ASH1L: variants seen among roughly 807,000 people sequenced by gnomAD.
ASH1L encodes ASH1 like histone lysine methyltransferase, also known as histone-lysine N-methyltransferase ASH1L.
A neutral mutation model predicts 269.0 loss-of-function variants in ASH1L; 23 were observed. The observed-to-expected ratio is 0.09, with a 90% CI of 0.06 to 0.12. ASH1L has a LOEUF of 0.12. ASH1L is among the 10% of genes least tolerant of loss of function. ASH1L has a pLI of 1.00. For synonymous variants in ASH1L, 1,187 were observed against 1,253.5 expected (o/e 0.95, Z 1.12); for missense variants, 2,912 against 3,567.8 (o/e 0.82, Z 4.68).
chr1:155,498,906 G>A lies in ASH1L; in HGVS notation c.421-16457C>T, dbSNP rs183275201. On this transcript the variant is annotated intron_variant, in intron 2 of 27. Coordinates refer to ENST00000392403, the MANE Select transcript of ASH1L (RefSeq NM_018489.3). ...TAATCAAAAGAGAACCAAAACATCT[G>A]AGAACAGGAGTAAAAAAAAAAAAAA... Among the ~76,000 whole-genome samples, 14 of 137,808 alleles carry A rather than the reference G, an allele frequency of 1.0e-4. No homozygotes were observed. The East Asian group carries it at 2.5e-3, about 24-fold the overall frequency. 90.4% of individuals were successfully genotyped at this position (137,808 alleles called of 152,430 possible).
chr1:155,549,650 G>C (rs1034114116), intron 1 of ASH1L, among the ~76,000 whole-genome samples: 2 of 150,218 alleles, frequency 1.3e-5, no homozygotes, highest in African/African-American at 4.9e-5. Flanking sequence ...AAAAATTTAA[G>C]TATACAAGAT....
rs753001647 is a variant in ASH1L, at chr1:155,481,548, C to G, written c.1322G>C (p.Ser441Thr). 4 of 1,614,124 alleles carry G rather than the reference C, an allele frequency of 2.5e-6. No homozygotes were observed. Residue 441 changes from serine (S) to threonine (T), a missense_variant, in exon 3 of 28, where the codon AGT (serine) becomes ACT (threonine). Ser to Thr is a moderately conservative substitution (Grantham distance 58). This residue lies in a region of ASH1L where 715 missense variants were observed against 721.0 expected (regional missense o/e 0.99). Transcript: ENST00000392403. ...PTQEPLKASCSTNINNQESQE... is the reference protein window; with the variant it reads ...PTQEPLKASCTTNINNQESQE... The stretch of plus-strand genomic sequence containing the variant: ...ACTTTCCTGATTATTGATGTTTGTA[C>G]TACAAGAAGCCTTAAGCGGTTCCTG...
intron 21 of ASH1L, among the ~76,000 whole-genome samples, chr1:155,345,572 T>C (rs1258386461): frequency 1.2e-5 from 1 of 83,430 alleles, no homozygotes; most frequent in Non-Finnish European, 2.6e-5. Flanking sequence ...CATGCCCAGC[T>C]TTTTTTTTTT....
In ASH1L at chr1:155,521,232, A is replaced by G. The variant is rs758789733; in HGVS notation, c.288T>C (p.Thr96=). The change falls in exon 2 of 28, where the codon ACT becomes ACC. Residue 96 remains threonine, a synonymous_variant. Transcript: ENST00000392403. ...KLKIGLQAKR[T]KKPPKNLENY... ...TCTCCAAGTTCTTTGGAGGTTTTTT[A>G]GTTCTCTTAGCCTGGAGGCCAATTT... 1 of 1,613,998 alleles carries G rather than the reference A, an allele frequency of 6.2e-7. No individual in the cohort carries two copies. The highest frequency in any genetic ancestry group is 8.5e-7 in the Non-Finnish European group (1 of 1,179,994).
At chr1:155,368,604 C>T (rs1438267152) in intron 12 of ASH1L, among the ~76,000 whole-genome samples, 1 of 152,032 alleles carries the variant, frequency 6.6e-6, no homozygotes, top group Non-Finnish European at 1.5e-5. Context: ...TTACAAGCGC[C>T]TACCACCACG....
chr1:155,468,406 C>T (rs1429455461), intron 3 of ASH1L, among the ~76,000 whole-genome samples: 1 of 151,948 alleles, frequency 6.6e-6, no homozygotes, highest in Non-Finnish European at 1.5e-5. Flanking sequence ...GTCAGCAGTC[C>T]AGTCCATATT....
At chr1:155,529,498 A>T (rs1482393296) in intron 1 of ASH1L, among the ~76,000 whole-genome samples, 1 of 152,092 alleles carries the variant, frequency 6.6e-6, no homozygotes, top group African/African-American at 2.4e-5. Flanking sequence ...TCTTTTGAGA[A>T]GTGTCTGTTC....
In ASH1L at chr1:155,343,149, G is replaced by A. The variant is rs1264915098; in HGVS notation, c.8293+165C>T. The stretch of plus-strand genomic sequence containing the variant: ...GTAGTTGGGACTACAGGCCTACACT[G>A]CCATGCCCAGCTACAGAGGCAGAGT... On this transcript the variant is annotated intron_variant, in intron 24 of 27. Coordinates refer to ENST00000392403, the MANE Select transcript of ASH1L (RefSeq NM_018489.3). The surrounding 1 kb of genome is among the most constrained non-coding windows in gnomAD (Gnocchi z 6.1). 26 of 668,250 alleles carry A rather than the reference G, an allele frequency of 3.9e-5. No individual in the cohort carries two copies. The East Asian group carries it at 6.5e-4, about 17-fold the overall frequency. 41.4% of individuals were successfully genotyped at this position (668,250 alleles called of 1,614,324 possible). A position where few individuals can be genotyped will look rare whatever the true frequency, so the allele number is the denominator to read the frequency against.
intron 5 of ASH1L, among the ~76,000 whole-genome samples, chr1:155,420,163 C>G (rs867342115): frequency 6.6e-6 from 1 of 151,180 alleles, no homozygotes; most frequent in South Asian, 2.1e-4. Context: ...ACTTAAAATA[C>G]AAAATACAAA....
In ASH1L at chr1:155,477,883, T is replaced by C; in HGVS notation, c.4984+3A>G. 6.3e-7 allele frequency: 1 copy of C among 1,590,050 alleles called. No individual in the cohort carries two copies. The highest frequency in any genetic ancestry group is 8.6e-7 in the Non-Finnish European group (1 of 1,164,900). On this transcript the variant is annotated splice_donor_region_variant and intron_variant, in intron 3 of 27. Coordinates refer to ENST00000392403, the MANE Select transcript of ASH1L (RefSeq NM_018489.3). ...ATAACAGGTAACAAAATAACCCTCT[T>C]ACCTGCCAAAGTCTGTACTGCCCTT...
intron 17 of ASH1L, among the ~76,000 whole-genome samples, chr1:155,352,170 T>C (rs1386845626): frequency 3.3e-5 from 5 of 151,850 alleles, no homozygotes; most frequent in Admixed American, 2.6e-4. Flanking sequence ...ATGAGCCTAC[T>C]TGAGAATGCA....
intron 1 of ASH1L, among the ~76,000 whole-genome samples, chr1:155,535,248 A>G (rs1489663119): frequency 2.1e-5 from 3 of 145,090 alleles, no homozygotes; most frequent in Non-Finnish European, 4.5e-5. Flanking sequence ...TTTTTTTTTT[A>G]AGACTGGGTT....
chr1:155,408,907 C>CA (rs1343251443), intron 6 of ASH1L, among the ~76,000 whole-genome samples: 4 of 148,622 alleles, frequency 2.7e-5, no homozygotes, highest in Admixed American at 6.7e-5. Flanking sequence ...ATAAGGTATT[C>CA]AAAAAAACAA....
intron 7 of ASH1L, among the ~76,000 whole-genome samples, chr1:155,383,455 G>A (rs1386455870): frequency 6.6e-6 from 1 of 152,046 alleles, no homozygotes; most frequent in Non-Finnish European, 1.5e-5. Context: ...TCTACATTTA[G>A]ATATGTAAAT....
intron 4 of ASH1L, among the ~76,000 whole-genome samples, chr1:155,455,328 T>A (rs930128206): frequency 1.3e-5 from 2 of 152,312 alleles, no homozygotes; most frequent in Non-Finnish European, 2.9e-5. Flanking sequence ...ATAATTTTGT[T>A]ACTATGGGTT....
intron 25 of ASH1L, among the ~76,000 whole-genome samples, chr1:155,341,419 G>A (rs561467415): frequency 6.6e-5 from 10 of 152,072 alleles, no homozygotes; most frequent in East Asian, 3.9e-4. Flanking sequence ...CTCATGATCC[G>A]CCCACCTTGG....
chr1:155,511,872 G>A (rs1206667794), intron 2 of ASH1L, among the ~76,000 whole-genome samples: 12 of 151,622 alleles, frequency 7.9e-5, no homozygotes, highest in South Asian at 2.1e-4. Context: ...GTGCAATGCC[G>A]GGATCTCGGC....
At chr1:155,457,635 G>T (rs1663958572) in intron 4 of ASH1L, among the ~76,000 whole-genome samples, 1 of 152,194 alleles carries the variant, frequency 6.6e-6, no homozygotes, top group African/African-American at 2.4e-5. Context: ...CTCTGTTACA[G>T]AATTTAATAC....
At chr1:155,521,806 T>C (rs1259540140) in intron 1 of ASH1L, among the ~76,000 whole-genome samples, 188 bp from the exon 2 acceptor site, 2 of 152,198 alleles carry the variant, frequency 1.3e-5, no homozygotes, top group African/African-American at 4.8e-5. Flanking sequence ...TCAGAATAAG[T>C]TTATCATTCT....
Sources: allele counts gnomAD v4.1 joint callset (sites outside exome capture counted in the v4.1 genomes callset), GRCh38; gene constraint gnomAD v4.1.1; regional missense constraint gnomAD v4.1.1; non-coding constraint Gnocchi (gnomAD v3.1); transcripts MANE v1.5; gene names NCBI Gene and HGNC (gene_info 2026-07-23, HGNC 2026-07-21).